UBE3C: variants seen among roughly 807,000 people sequenced by gnomAD.
UBE3C encodes ubiquitin-protein ligase E3C.
Under a neutral mutation model 129.4 loss-of-function variants are expected in UBE3C, and 42 were observed. That is an observed-to-expected ratio of 0.32 (90% CI 0.25 to 0.42). The LOEUF is 0.42. UBE3C is among the 10% of genes least tolerant of loss of function. The pLI, the probability that UBE3C is intolerant of heterozygous loss-of-function variation, is 1.00. For synonymous variants in UBE3C, 510 were observed against 492.4 expected, an observed-to-expected ratio of 1.04 and a Z score of -0.47; for missense variants, 1,049 against 1,319.1, an observed-to-expected ratio of 0.80 and a Z score of 3.17.
At chr7:157,219,268 A>T (rs770795711) in intron 14 of UBE3C, among the ~76,000 whole-genome samples, 4 of 152,314 alleles carry the variant, frequency 2.6e-5, no homozygotes, top group Non-Finnish European at 5.9e-5. Flanking sequence ...TGTCAGCTGA[A>T]CCCAGCAGTG....
chr7:157,156,712 T>TA (rs1807917918), intron 1 of UBE3C, among the ~76,000 whole-genome samples: 3 of 126,770 alleles, frequency 2.4e-5, no homozygotes, highest in African/African-American at 8.8e-5. Flanking sequence ...TCCCTTCTTT[T>TA]TAAAAAAAAA....
intron 14 of UBE3C, among the ~76,000 whole-genome samples, chr7:157,217,508 A>G (rs552762361): frequency 2.0e-5 from 3 of 152,110 alleles, no homozygotes; most frequent in African/African-American, 7.2e-5. Flanking sequence ...TAATACCTAC[A>G]TCTAAAGCAG....
At chr7:157,142,778 C>T (rs1472007204) in intron 1 of UBE3C, among the ~76,000 whole-genome samples, 1 of 152,120 alleles carries the variant, frequency 6.6e-6, no homozygotes, top group Non-Finnish European at 1.5e-5. Context: ...CATTCACACC[C>T]CAAACCTCCG....
At chr7:157,152,914 TG>T (rs1254092615) in intron 1 of UBE3C, among the ~76,000 whole-genome samples, 2 of 152,174 alleles carry the variant, frequency 1.3e-5, no homozygotes, top group African/African-American at 2.4e-5. Context: ...TTTAATTTTT[TG>T]CCAGGTGTGG....
chr7:157,174,836 A>G (rs1808472109), intron 4 of UBE3C, 83 bp from the exon 5 acceptor site: 3 of 1,005,732 alleles, frequency 3.0e-6, no homozygotes, highest in South Asian at 3.6e-5. Context: ...CATTGCCACT[A>G]AAGGAAATTT....
chr7:157,252,225 C>T (rs1220184341), intron 19 of UBE3C, among the ~76,000 whole-genome samples: 1 of 152,176 alleles, frequency 6.6e-6, no homozygotes, highest in African/African-American at 2.4e-5. Context: ...GATAACTTCA[C>T]TGGTCCTTTG....
intron 13 of UBE3C, 99 bp downstream of exon 13, chr7:157,208,034 G>T (rs751749572): frequency 5.2e-6 from 1 of 191,606 alleles, no homozygotes. Flanking sequence ...GTTTGTTTCA[G>T]ACATGTTTTA....
intron 13 of UBE3C, among the ~76,000 whole-genome samples, chr7:157,214,254 G>A (rs1809673956): frequency 6.6e-6 from 1 of 152,108 alleles, no homozygotes; most frequent in Non-Finnish European, 1.5e-5. Flanking sequence ...ACATTTAATT[G>A]TATAATAATT....
chr7:157,183,743 T>C (rs2116928848), intron 8 of UBE3C, 135 bp from the exon 9 acceptor site: 4 of 1,115,942 alleles, frequency 3.6e-6, no homozygotes, highest in Non-Finnish European at 5.1e-6. Context: ...TTTCCTATTA[T>C]AACACAGTTA....
At chr7:157,240,380 A>G (rs2116659231) in intron 18 of UBE3C, among the ~76,000 whole-genome samples, 1 of 152,268 alleles carries the variant, frequency 6.6e-6, no homozygotes, top group South Asian at 2.1e-4. Flanking sequence ...GGCTTCAATT[A>G]ATAAGTGTGA....
chr7:157,246,881 G>A (rs1321191481), intron 18 of UBE3C, among the ~76,000 whole-genome samples: 1 of 152,092 alleles, frequency 6.6e-6, no homozygotes, highest in African/African-American at 2.4e-5. Flanking sequence ...ACATCTCTCT[G>A]AAGACTGGAT....
intron 1 of UBE3C, among the ~76,000 whole-genome samples, chr7:157,154,180 G>A (rs968860012): frequency 1.3e-5 from 2 of 152,022 alleles, no homozygotes; most frequent in Non-Finnish European, 2.9e-5. Context: ...AATTAGCCAG[G>A]TGTGGTGGCA....
intron 4 of UBE3C, among the ~76,000 whole-genome samples, chr7:157,174,613 C>T (rs1246408450): frequency 2.0e-5 from 3 of 151,986 alleles, no homozygotes; most frequent in Non-Finnish European, 2.9e-5. Context: ...CCACCACGCT[C>T]GGCTAATTTT....
At position 157,229,924 on chromosome 7, in the gene UBE3C, A is replaced by AT. The variant is rs34371551; in HGVS notation, c.2234-1142dup. 4.5e-3 allele frequency among the ~76,000 whole-genome samples: 394 copies of AT among 88,530 alleles called. 1 individual carries two copies. Among genetic ancestry groups the AT allele is most frequent in the Middle Eastern group, 0.022 (3 of 136 alleles). 58.1% of individuals were successfully genotyped at this position (88,530 alleles called of 152,430 possible). Reference sequence around the variant, plus strand: ...CTCTGTGCAATGTTTTAATTTATTTATTTTTTTTTTTTTTGAGACTGTCAC... The same window carrying AT: ...CTCTGTGCAATGTTTTAATTTATTTATTTTTTTTTTTTTTTGAGACTGTCAC... On this transcript the variant is annotated intron_variant, in intron 17 of 22. Coordinates refer to ENST00000348165, the MANE Select transcript of UBE3C (RefSeq NM_014671.3).
chr7:157,174,894 T>C, intron 4 of UBE3C, 25 bp from the exon 5 acceptor site: 1 of 1,536,622 alleles, frequency 6.5e-7, no homozygotes, highest in Non-Finnish European at 8.8e-7. Context: ...TTGAGAGTTG[T>C]ATATTTTATG....
chr7:157,226,698 G>A (rs1584802494), intron 17 of UBE3C, among the ~76,000 whole-genome samples: 1 of 148,084 alleles, frequency 6.8e-6, no homozygotes, highest in Non-Finnish European at 1.5e-5. Context: ...GACATCAGTT[G>A]TTTCCTTACT....
chr7:157,209,234 C>T (rs1397569351), intron 13 of UBE3C, among the ~76,000 whole-genome samples: 1 of 152,218 alleles, frequency 6.6e-6, no homozygotes, highest in Admixed American at 6.5e-5. Context: ...CCAGCCCGTT[C>T]TGCCTGGTTT....
intron 2 of UBE3C, among the ~76,000 whole-genome samples, chr7:157,167,660 C>G (rs1348719781): frequency 3.3e-5 from 5 of 152,022 alleles, no homozygotes. Flanking sequence ...GCCTCTGCCT[C>G]CTGGTAGCTG....
intron 16 of UBE3C, 29 bp from the exon 17 acceptor site, chr7:157,225,378 A>AT: frequency 6.3e-7 from 1 of 1,578,508 alleles, no homozygotes; most frequent in Non-Finnish European, 8.5e-7. Context: ...TTTGTTTCTA[A>AT]TAACCTTACA....
Sources: allele counts gnomAD v4.1 joint callset (sites outside exome capture counted in the v4.1 genomes callset), GRCh38; gene constraint gnomAD v4.1.1; transcripts MANE v1.5; gene names NCBI Gene and HGNC (gene_info 2026-07-23, HGNC 2026-07-21).